Variants in CDCA8 observed in about 807,000 individuals in gnomAD.
CDCA8 encodes borealin.
Under a neutral mutation model 40.0 loss-of-function variants are expected in CDCA8, and 25 were observed. The observed-to-expected ratio is 0.63, with a 90% CI of 0.46 to 0.87. The LOEUF is 0.87. CDCA8 is among the 40% of genes least tolerant of loss of function. The pLI, the probability that CDCA8 is intolerant of heterozygous loss-of-function variation, is 0.00. For missense variants in CDCA8, 280 were observed against 348.4 expected (o/e 0.80, Z 1.56); for synonymous variants, 111 against 126.5 (o/e 0.88, Z 0.82).
chr1:37,703,516 G>A (rs1570281885), intron 7 of CDCA8, among the ~76,000 whole-genome samples, 169 bp downstream of exon 7: 1 of 152,154 alleles, frequency 6.6e-6, no homozygotes, highest in African/African-American at 2.4e-5. Flanking sequence ...AGGAGTTCAA[G>A]ACCAGCCTGG....
rs546784346 is a variant in CDCA8, at chr1:37,696,665, A to G, written c.264+715A>G. ...CTTCACAGAGTCCCTAGGCACTCTA[A>G]AATAATATACAAACAATGCGTGTGT... On this transcript the variant is annotated intron_variant, in intron 3 of 9. Transcript: ENST00000373055. The surrounding 1 kb of genome is among the most constrained non-coding windows in gnomAD (Gnocchi z 5.0). Among the ~76,000 whole-genome samples the G allele has an allele frequency of 6.6e-6, 1 of 152,366 alleles. No homozygotes were observed. Among genetic ancestry groups the G allele is most frequent in the South Asian group, 2.1e-4 (1 of 4,830 alleles).
At position 37,692,532 on chromosome 1, in the gene CDCA8, T is replaced by C; in HGVS notation, c.-159T>C. On this transcript the variant is annotated 5_prime_UTR_variant, in exon 1 of 10. Transcript: ENST00000373055. ...CGGTTGACTGTAGAGCCGCTCTCTC[T>C]CACTGGCACAGCGAGGTTTTGCTCA... is the stretch of plus-strand genomic sequence containing the variant. 1 of 641,734 alleles carries C rather than the reference T, an allele frequency of 1.6e-6. No homozygotes were observed. Among genetic ancestry groups the C allele is most frequent in the Non-Finnish European group, 2.8e-6 (1 of 351,532 alleles). 39.8% of individuals were successfully genotyped at this position (641,734 alleles called of 1,614,324 possible).
In CDCA8 at chr1:37,692,568, C is replaced by A. The variant is rs150995419; in HGVS notation, c.-123C>A. Reference sequence around the variant, plus strand: ...GCGAGGTTTTGCTCAGCCCTTGTCTCGGGACCGCAGGTACGTGCCTGGCGA... The same window carrying A: ...GCGAGGTTTTGCTCAGCCCTTGTCTAGGGACCGCAGGTACGTGCCTGGCGA... On this transcript the variant is annotated 5_prime_UTR_variant, in exon 1 of 10. Transcript: ENST00000373055. 4.6e-4 allele frequency: 349 copies of A among 757,624 alleles called. No individual in the cohort carries two copies. The African/African-American group carries it at 5.0e-3, about 11-fold the overall frequency. 46.9% of individuals were successfully genotyped at this position (757,624 alleles called of 1,614,324 possible).
Position 37,709,002 on chromosome 1 carries a change from G to C in CDCA8, c.*636G>C, listed in dbSNP as rs915705000. On this transcript the variant is annotated 3_prime_UTR_variant, in exon 10 of 10. Coordinates refer to ENST00000373055, the MANE Select transcript of CDCA8 (RefSeq NM_001256875.2). ...TCCTCCTCCTCCTCCTGTGGGAGGT[G>C]GTCAGTGGGACTTAGGGATCTTTCA... 6.4e-6 allele frequency: 1 copy of C among 155,308 alleles called. No individual in the cohort carries two copies. Among genetic ancestry groups the C allele is most frequent in the African/African-American group, 2.4e-5 (1 of 41,476 alleles). 9.6% of individuals were successfully genotyped at this position (155,308 alleles called of 1,614,324 possible). A position where few individuals can be genotyped will look rare whatever the true frequency, so the allele number is the denominator to read the frequency against.
At chr1:37,708,211 T>C in intron 9 of CDCA8, 111 bp from the exon 10 acceptor site, 1 of 897,410 alleles carries the variant, frequency 1.1e-6, no homozygotes, top group South Asian at 1.3e-5. Context: ...AAAGGTGAAT[T>C]CATGTGTGAT....
chr1:37,700,518 A>C lies in CDCA8; in HGVS notation c.420A>C (p.Ala140=). ...EENERKNLQT[A]RVKRCPPSKK... is the part of the protein sequence containing the mutation. ...ATGAACGTAAGAATCTTCAAACTGC[A>C]AGAGTAAGTGGACACTGAGGTTGGA... The change falls in exon 5 of 10, where the codon GCA becomes GCC. Residue 140 remains alanine, a synonymous_variant. Coordinates refer to ENST00000373055, the MANE Select transcript of CDCA8 (RefSeq NM_001256875.2). 1 of 1,595,102 alleles carries C rather than the reference A, an allele frequency of 6.3e-7. No individual in the cohort carries two copies. Among genetic ancestry groups the C allele is most frequent in the Non-Finnish European group, 8.6e-7 (1 of 1,162,692 alleles).
chr1:37,702,228 G>C (rs563350954), intron 6 of CDCA8, among the ~76,000 whole-genome samples: 3 of 151,454 alleles, frequency 2.0e-5, no homozygotes, highest in African/African-American at 4.9e-5. Flanking sequence ...TAGTAGATGC[G>C]GGGTTTCTCC....
At chr1:37,707,873 G>A (rs989906368) in intron 9 of CDCA8, among the ~76,000 whole-genome samples, 29 of 152,304 alleles carry the variant, frequency 1.9e-4, no homozygotes, top group African/African-American at 5.5e-4. Context: ...TAATGGCTCC[G>A]CCAGGGATGA....
At chr1:37,705,610 A>T (rs1645593838) in intron 8 of CDCA8, 43 bp downstream of exon 8, 1 of 1,601,728 alleles carries the variant, frequency 6.2e-7, no homozygotes, top group African/African-American at 1.3e-5. Context: ...TGTGCTGCTT[A>T]GTCAAGCATT....
intron 4 of CDCA8, among the ~76,000 whole-genome samples, chr1:37,699,610 GGAAAGGAAAGGA>G (rs1645550049): frequency 5.2e-5 from 4 of 77,606 alleles, no homozygotes; most frequent in Admixed American, 4.8e-4. Flanking sequence ...GGAAAGGAAA[GGAAAGGAAAGGA>G]AAAAAAAAGT....
chr1:37,706,448 G>A (rs1365001007), intron 8 of CDCA8, among the ~76,000 whole-genome samples: 2 of 152,182 alleles, frequency 1.3e-5, no homozygotes, highest in Non-Finnish European at 2.9e-5. Flanking sequence ...TCCGATTGTA[G>A]TAGGCCCAAG....
chr1:37,706,918 A>C, intron 8 of CDCA8, 60 bp from the exon 9 acceptor site: 1 of 1,320,920 alleles, frequency 7.6e-7, no homozygotes, highest in Non-Finnish European at 1.1e-6. Flanking sequence ...TATCAGGGGA[A>C]CCTAGGGGTT....
intron 3 of CDCA8, among the ~76,000 whole-genome samples, chr1:37,697,626 A>G (rs1460887487): frequency 6.6e-6 from 1 of 152,254 alleles, no homozygotes; most frequent in Admixed American, 6.5e-5. Context: ...TCAAGTTCCC[A>G]GATGCCAACC....
intron 7 of CDCA8, among the ~76,000 whole-genome samples, chr1:37,703,744 C>A (rs1015743717): frequency 6.6e-6 from 1 of 152,014 alleles, no homozygotes; most frequent in Non-Finnish European, 1.5e-5. Context: ...AGTCCCGAGT[C>A]CTTGGCCTGG....
At position 37,693,300 on chromosome 1, in the gene CDCA8, T is replaced by A. The variant is rs1570273914; in HGVS notation, c.223+267T>A. On this transcript the variant is annotated intron_variant, in intron 2 of 9. Transcript: ENST00000373055. ...GTTTACAGGTCCAAAACAGCTGTAG[T>A]GAATGGGCATGGATGGGCTGTATTC... 2.0e-5 allele frequency among the ~76,000 whole-genome samples: 3 copies of A among 152,288 alleles called. No individual in the cohort carries two copies. The East Asian group carries it at 5.8e-4, about 29-fold the overall frequency.
intron 2 of CDCA8, among the ~76,000 whole-genome samples, chr1:37,693,625 C>T (rs1645497801): frequency 6.6e-6 from 1 of 152,132 alleles, no homozygotes; most frequent in Non-Finnish European, 1.5e-5. Flanking sequence ...TCTCGAACTC[C>T]TGACCTCAAG....
At position 37,698,360 on chromosome 1, in the gene CDCA8, G is replaced by A. The variant is rs11264088; in HGVS notation, c.265-545G>A. On this transcript the variant is annotated intron_variant, in intron 3 of 9. Coordinates refer to ENST00000373055, the MANE Select transcript of CDCA8 (RefSeq NM_001256875.2). Reference sequence around the variant, plus strand: ...ACATGTAAGACAGTTCAAGGTAGCAGTGTTTATAATAGCAGGAAACTATTG... The same window carrying A: ...ACATGTAAGACAGTTCAAGGTAGCAATGTTTATAATAGCAGGAAACTATTG... Among the ~76,000 whole-genome samples the A allele has an allele frequency of 9.8e-3, 1,498 of 152,342 alleles. 25 individuals are homozygous for A. The highest frequency in any genetic ancestry group is 0.034 in the African/African-American group (1,418 of 41,580).
intron 8 of CDCA8, among the ~76,000 whole-genome samples, chr1:37,705,998 T>TGGG (rs1205815448): frequency 6.6e-6 from 1 of 150,532 alleles, no homozygotes; most frequent in Non-Finnish European, 1.5e-5. Context: ...TTGGTAGAGA[T>TGGG]GGGGGTTTCA....
In CDCA8 at chr1:37,695,893, C is replaced by T. The variant is rs1645522831; in HGVS notation, c.224-17C>T. 1 of 1,611,260 alleles carries T rather than the reference C, an allele frequency of 6.2e-7. No individual in the cohort carries two copies. Among genetic ancestry groups the T allele is most frequent in the Non-Finnish European group, 8.5e-7 (1 of 1,177,470 alleles). ...TATTGTTAAAATGTAATAGTAACTA[C>T]AACGTTCTTTTTAAAGCCCTTGGAG... is the stretch of plus-strand genomic sequence containing the variant. On this transcript the variant is annotated splice_polypyrimidine_tract_variant and intron_variant, in intron 2 of 9. Transcript: ENST00000373055.
Sources: gnomAD v4.1 joint callset for allele counts (sites outside exome capture counted in the v4.1 genomes callset) on GRCh38, gnomAD v4.1.1 for gene constraint, Gnocchi (gnomAD v3.1) non-coding constraint, MANE v1.5 for transcripts, NCBI Gene and HGNC (gene_info 2026-07-23, HGNC 2026-07-21) for gene names.